Variants in PTPRT observed in about 807,000 individuals in gnomAD.
PTPRT encodes protein tyrosine phosphatase receptor type T, also known as receptor-type tyrosine-protein phosphatase T.
A neutral mutation model predicts 176.8 loss-of-function variants in PTPRT; 56 were observed. The observed-to-expected ratio is 0.32, with a 90% CI of 0.26 to 0.40. The LOEUF (loss-of-function observed/expected upper bound fraction) is 0.40, where lower values mean the gene tolerates loss of function less well. Among genes scored for constraint, PTPRT ranks in the 10% least tolerant of loss-of-function variants. The pLI is 1.00. For missense variants in PTPRT, 1,540 were observed against 1,908.2 expected (o/e 0.81, Z 3.60); for synonymous variants, 783 against 739.0 (o/e 1.06, Z -0.96).
chr20:43,157,238 T>C (rs911958978), intron 1 of PTPRT, among the ~76,000 whole-genome samples: 2 of 149,728 alleles, frequency 1.3e-5, no homozygotes, highest in Non-Finnish European at 3.0e-5. Context: ...TACACACCTG[T>C]AGTCCCAGCT....
intron 8 of PTPRT, among the ~76,000 whole-genome samples, chr20:42,467,846 C>T (rs1300834166): frequency 1.3e-5 from 2 of 152,136 alleles, no homozygotes; most frequent in Non-Finnish European, 2.9e-5. Context: ...TGAAAATTTT[C>T]ACAATAAAAT....
chr20:42,883,722 C>A (rs367993468), intron 2 of PTPRT, among the ~76,000 whole-genome samples: 202 of 5,332 alleles, frequency 0.038, 8 homozygotes, highest in Middle Eastern at 0.14. Flanking sequence ...ACACACACAC[C>A]CATACACCCC....
chr20:42,044,360 G>A, the PTPRT span, among the ~76,000 whole-genome samples: 2 of 152,218 alleles, frequency 1.3e-5, no homozygotes, highest in African/African-American at 4.8e-5. Context: ...ATTTGATTAT[G>A]AGGACTTTAC....
At chr20:43,124,011 AT>A (rs1042796911) in intron 1 of PTPRT, among the ~76,000 whole-genome samples, 1 of 152,252 alleles carries the variant, frequency 6.6e-6, no homozygotes, top group Non-Finnish European at 1.5e-5. Context: ...AAACAAAGGA[AT>A]TTTTAAAAGA....
At chr20:42,516,118 G>C (rs868744306) in intron 7 of PTPRT, among the ~76,000 whole-genome samples, 3 of 109,658 alleles carry the variant, frequency 2.7e-5, no homozygotes, top group South Asian at 4.2e-4. Context: ...GTGGGGGGAG[G>C]GGGGAGGGAT....
chr20:42,505,450 C>A (rs1460593749), intron 7 of PTPRT, among the ~76,000 whole-genome samples: 1 of 151,976 alleles, frequency 6.6e-6, no homozygotes, highest in East Asian at 1.9e-4. Flanking sequence ...TACAGGCGCC[C>A]ACCACCATGC....
chr20:42,504,396 G>A (rs1473318584), intron 7 of PTPRT, among the ~76,000 whole-genome samples: 2 of 151,962 alleles, frequency 1.3e-5, no homozygotes, highest in African/African-American at 2.4e-5. Flanking sequence ...CTCAAATTTG[G>A]CTTTACATAT....
rs1358441913 is a variant in PTPRT, at chr20:43,034,763, T to C, written c.89-148831A>G. On this transcript the variant is annotated intron_variant, in intron 1 of 30. Coordinates refer to ENST00000373187, the MANE Select transcript of PTPRT (RefSeq NM_007050.6). ...AATGAAAAAGTCCAAAAAACACTAATGCTCCACCTCTCCTGTTGACCAAAC... is the reference window on the plus strand; with the variant it reads ...AATGAAAAAGTCCAAAAAACACTAACGCTCCACCTCTCCTGTTGACCAAAC... Among the ~76,000 whole-genome samples the C allele has an allele frequency of 3.3e-5, 5 of 151,966 alleles. 1 individual carries two copies. The highest frequency in any genetic ancestry group is 4.8e-5 in the African/African-American group (2 of 41,374).
intron 13 of PTPRT, among the ~76,000 whole-genome samples, chr20:42,281,611 G>A (rs2057140333): frequency 6.6e-6 from 1 of 151,980 alleles, no homozygotes; most frequent in African/African-American, 2.4e-5. Context: ...ACATACTTGG[G>A]TCATCGCTTT....
At chr20:42,718,494 G>A (rs1447620255) in intron 6 of PTPRT, among the ~76,000 whole-genome samples, 2 of 152,052 alleles carry the variant, frequency 1.3e-5, no homozygotes, top group East Asian at 1.9e-4. Context: ...CCGAGATTGC[G>A]CCACTGCACT....
intron 1 of PTPRT, among the ~76,000 whole-genome samples, chr20:42,947,917 G>T (rs1980989824): frequency 6.6e-6 from 1 of 152,030 alleles, no homozygotes; most frequent in Non-Finnish European, 1.5e-5. Flanking sequence ...TGTCTGTCTT[G>T]TCCACTTTTG....
chr20:42,728,356 T>C (rs959835125), intron 6 of PTPRT, among the ~76,000 whole-genome samples: 20 of 152,188 alleles, frequency 1.3e-4, no homozygotes, highest in African/African-American at 4.8e-4. Context: ...TGCTGCTCCA[T>C]GATCACACTT....
intron 1 of PTPRT, among the ~76,000 whole-genome samples, chr20:42,977,596 T>G (rs1051367025): frequency 6.6e-6 from 1 of 152,208 alleles, no homozygotes; most frequent in Admixed American, 6.5e-5. Flanking sequence ...TCCATTTATT[T>G]ATGTTTACAT....
intron 8 of PTPRT, among the ~76,000 whole-genome samples, chr20:42,460,099 G>A (rs151201550): frequency 6.6e-6 from 1 of 152,180 alleles, no homozygotes; most frequent in South Asian, 2.1e-4. Context: ...TTAATTCCAC[G>A]GGCTGATTAG....
chr20:42,986,895 C>T (rs1401002937), intron 1 of PTPRT, among the ~76,000 whole-genome samples: 1 of 152,204 alleles, frequency 6.6e-6, no homozygotes, highest in African/African-American at 2.4e-5. Context: ...GACAGACTCT[C>T]CTCTGGGAGA....
At chr20:43,151,336 G>T (rs117808719) in intron 1 of PTPRT, among the ~76,000 whole-genome samples, 2,294 of 134,784 alleles carry the variant, frequency 0.017, 28 homozygotes, top group South Asian at 0.047. Context: ...AAAAAAAAAA[G>T]GCATGGACTC....
At chr20:42,768,598 C>T (rs1367679956) in intron 5 of PTPRT, among the ~76,000 whole-genome samples, 2 of 152,128 alleles carry the variant, frequency 1.3e-5, no homozygotes, top group African/African-American at 2.4e-5. Flanking sequence ...TACAAAGCTG[C>T]GGGCTCTGTG....
intron 9 of PTPRT, among the ~76,000 whole-genome samples, chr20:42,353,087 TTA>T (rs1331655162): frequency 6.6e-6 from 1 of 152,256 alleles, no homozygotes; most frequent in African/African-American, 2.4e-5. Context: ...AATATGTCTT[TTA>T]CCCCTTCAGC....
At chr20:42,448,685 A>T (rs577090193) in intron 8 of PTPRT, among the ~76,000 whole-genome samples, 1 of 152,120 alleles carries the variant, frequency 6.6e-6, no homozygotes, top group Non-Finnish European at 1.5e-5. Flanking sequence ...ACTGAACCGG[A>T]TAAGGGCAGA....
Sources: allele counts gnomAD v4.1 joint callset (sites outside exome capture counted in the v4.1 genomes callset), GRCh38; gene constraint gnomAD v4.1.1; transcripts MANE v1.5; gene names NCBI Gene and HGNC (gene_info 2026-07-23, HGNC 2026-07-21).